USH2A: variants seen among roughly 807,000 people sequenced by gnomAD.
USH2A encodes the protein Usher syndrome 2A (autosomal recessive, mild).
USH2A carries 443 observed loss-of-function variants against 538.9 expected under a neutral mutation model. The ratio of observed to expected loss-of-function variants is 0.82; its 90% CI spans 0.76 to 0.89. The LOEUF (loss-of-function observed/expected upper bound fraction) is 0.89. Ranked by LOEUF, USH2A falls within the 40% of genes least tolerant of loss-of-function variation. The pLI is 0.00. For synonymous variants in USH2A, 2,413 were observed against 2,273.5 expected, an observed-to-expected ratio of 1.06 and a Z score of -1.75; for missense variants, 6,633 against 6,324.8, an observed-to-expected ratio of 1.05 and a Z score of -1.65.
intron 21 of USH2A, among the ~76,000 whole-genome samples, chr1:216,147,934 T>C (rs2033744749): frequency 8.0e-6 from 1 of 125,426 alleles, no homozygotes; most frequent in Admixed American, 8.3e-5. Context: ...TCAACTCACC[T>C]GGCAGCCACT....
chr1:216,210,706 A>G (rs1456835357), intron 15 of USH2A, among the ~76,000 whole-genome samples: 1 of 152,156 alleles, frequency 6.6e-6, no homozygotes, highest in Non-Finnish European at 1.5e-5. Context: ...TGCCACATCC[A>G]TGCTTCAGTC....
At chr1:216,326,409 C>A (rs1571705061) in intron 5 of USH2A, among the ~76,000 whole-genome samples, 1 of 152,182 alleles carries the variant, frequency 6.6e-6, no homozygotes, top group South Asian at 2.1e-4. Context: ...CTTTTCCATT[C>A]ATTAAATCAC....
intron 71 of USH2A, among the ~76,000 whole-genome samples, chr1:215,627,718 G>A (rs1656109330): frequency 6.6e-6 from 1 of 151,990 alleles, no homozygotes; most frequent in Non-Finnish European, 1.5e-5. Flanking sequence ...TAGAGACGAG[G>A]TTTCACCATG....
In USH2A at chr1:216,320,420, C is replaced by A. The variant is rs148200237; in HGVS notation, c.1644+1463G>T. Among the ~76,000 whole-genome samples, 96 of 152,266 alleles carry A rather than the reference C, an allele frequency of 6.3e-4. 1 individual carries two copies. Among genetic ancestry groups the A allele is most frequent in the African/African-American group, 2.3e-3 (95 of 41,570 alleles). ...AGGTCTTCCTGTACAGCAATGCAAA[C>A]AGACTAATACACCATTCCATACACT... On this transcript the variant is annotated intron_variant, in intron 9 of 71. Coordinates refer to ENST00000307340, the MANE Select transcript of USH2A (RefSeq NM_206933.4).
intron 14 of USH2A, among the ~76,000 whole-genome samples, chr1:216,219,792 C>G (rs2035419602): frequency 6.6e-6 from 1 of 152,074 alleles, no homozygotes; most frequent in Non-Finnish European, 1.5e-5. Flanking sequence ...AAATGGATTT[C>G]ATAAAGAGTA....
intron 37 of USH2A, among the ~76,000 whole-genome samples, chr1:215,964,411 A>C (rs923794410): frequency 6.6e-6 from 1 of 152,174 alleles, no homozygotes; most frequent in Non-Finnish European, 1.5e-5. Context: ...CACCCTTTTC[A>C]AATTTAGAAA....
chr1:216,031,611 A>G (rs1397346476), intron 32 of USH2A, among the ~76,000 whole-genome samples: 3 of 152,192 alleles, frequency 2.0e-5, no homozygotes, highest in Admixed American at 2.0e-4. Context: ...AGTCTTCGCT[A>G]TGTTGAAGCA....
Position 215,888,826 on chromosome 1 carries a change from C to G in USH2A, c.7823G>C (p.Cys2608Ser). ...FQVEACTSKGCSLSPESQTVW... is the reference protein window; with the variant it reads ...FQVEACTSKGSSLSPESQTVW... ...AGTCTGGGACTCTGGTGAAAGGGAA[C>G]ATCCTTTTGAAGTGCAGGCTTCTAC... Residue 2608 changes from cysteine to serine, a missense_variant, in exon 41 of 72, where the codon TGT becomes TCT. Coordinates refer to ENST00000307340, the MANE Select transcript of USH2A (RefSeq NM_206933.4). The G allele has an allele frequency of 5.0e-6, 8 of 1,614,162 alleles. No homozygotes were observed. Among genetic ancestry groups the G allele is most frequent in the Non-Finnish European group, 5.9e-6 (7 of 1,180,012 alleles).
chr1:215,931,675 G>A (rs1389428284), intron 38 of USH2A, among the ~76,000 whole-genome samples: 1 of 151,954 alleles, frequency 6.6e-6, no homozygotes, highest in Non-Finnish European at 1.5e-5. Flanking sequence ...TTTAAAACAA[G>A]TCGTTAAGCA....
intron 20 of USH2A, among the ~76,000 whole-genome samples, chr1:216,188,510 A>G (rs561960888): frequency 4.6e-4 from 70 of 152,056 alleles, no homozygotes; most frequent in Non-Finnish European, 9.0e-4. Flanking sequence ...ATATAATGTT[A>G]TTGAAAATGT....
Position 215,889,043 on chromosome 1 carries a change from C to T in USH2A, c.7606G>A (p.Val2536Ile), listed in dbSNP as rs1442659020. Residue 2536 changes from valine to isoleucine, a missense_variant, in exon 41 of 72, where the codon GTA becomes ATA. Val to Ile is a conservative substitution (Grantham distance 29, BLOSUM62 3). Coordinates refer to ENST00000307340, the MANE Select transcript of USH2A (RefSeq NM_206933.4). Reference sequence around the variant, plus strand: ...ACATCCAGAAGAATCGGAGGAACTACAGGTCCAGGTTCTGTAAAGTAAAAT... The same window carrying T: ...ACATCCAGAAGAATCGGAGGAACTATAGGTCCAGGTTCTGTAAAGTAAAAT... ...FMTAEDKPGP[V>I]VPPILLDVKS... The T allele has an allele frequency of 6.2e-7, 1 of 1,613,640 alleles. No homozygotes were observed. The highest frequency in any genetic ancestry group is 2.2e-5 in the East Asian group (1 of 44,870).
chr1:216,059,787 T>A (rs1282068277), intron 30 of USH2A, among the ~76,000 whole-genome samples: 1 of 152,200 alleles, frequency 6.6e-6, no homozygotes, highest in Admixed American at 6.5e-5. Flanking sequence ...TTGTTGTTGT[T>A]GTTGTTTTCC....
chr1:215,820,635 A>G (rs1662985982), intron 47 of USH2A, among the ~76,000 whole-genome samples: 1 of 151,736 alleles, frequency 6.6e-6, no homozygotes, highest in African/African-American at 2.4e-5. Context: ...TGTAAAAGAT[A>G]TTGTAAACTA....
chr1:216,056,169 T>C, intron 30 of USH2A, among the ~76,000 whole-genome samples: 1 of 152,164 alleles, frequency 6.6e-6, no homozygotes, highest in East Asian at 1.9e-4. Flanking sequence ...GTCTTTGCCA[T>C]TTTTATTCTA....
rs780035209 is a variant in USH2A at position 215,888,442 on chromosome 1, T to A, written c.8207A>T (p.Glu2736Val). 1.2e-6 allele frequency: 2 copies of A among 1,613,344 alleles called. No homozygotes were observed. The highest frequency in any genetic ancestry group is 1.7e-6 in the Non-Finnish European group (2 of 1,180,012). ...GTATCTTACCTGGACTGCATCGGGT[T>A]CCAGCACTGTCACCACAGGTGGCTG... ...GVQPPVVTVL[E>V]PDAVQVTWKP... Residue 2736 changes from glutamate (E) to valine (V), a missense_variant, in exon 41 of 72, where the codon GAA becomes GTA. Coordinates refer to ENST00000307340, the MANE Select transcript of USH2A (RefSeq NM_206933.4).
At position 215,759,893 on chromosome 1, in the gene USH2A, T is replaced by C. The variant is rs764697736; in HGVS notation, c.11048-50A>G. ...TTTATTGTTAGGAGAAAATAAACAG[T>C]GTATCAAAAGTCACACCATCCCCCC... On this transcript the variant is annotated intron_variant, in intron 56 of 71. Coordinates refer to ENST00000307340, the MANE Select transcript of USH2A (RefSeq NM_206933.4). 5.0e-6 allele frequency: 8 copies of C among 1,609,806 alleles called. No homozygotes were observed. The East Asian group carries it at 1.6e-4, about 31-fold the overall frequency.
At chr1:216,108,666 T>C (rs1217498262) in intron 21 of USH2A, among the ~76,000 whole-genome samples, 2 of 152,132 alleles carry the variant, frequency 1.3e-5, no homozygotes, top group South Asian at 2.1e-4. Flanking sequence ...TTCATTTTTC[T>C]TTGGTTACTT....
intron 61 of USH2A, among the ~76,000 whole-genome samples, chr1:215,690,597 G>A (rs1250964150): frequency 6.6e-6 from 1 of 152,068 alleles, no homozygotes; most frequent in African/African-American, 2.4e-5. Context: ...AAAACCCATA[G>A]TGTTCAGTCT....
chr1:215,652,648 CTGA>C (rs1657118871), intron 64 of USH2A, among the ~76,000 whole-genome samples: 1 of 152,152 alleles, frequency 6.6e-6, no homozygotes, highest in Non-Finnish European at 1.5e-5. Flanking sequence ...GACTTCAGGG[CTGA>C]TGAGGAGGGT....
Sources: allele counts gnomAD v4.1 joint callset (sites outside exome capture counted in the v4.1 genomes callset), GRCh38; gene constraint gnomAD v4.1.1; transcripts MANE v1.5; gene names NCBI Gene and HGNC (gene_info 2026-07-23, HGNC 2026-07-21).